The following SHISA9 variants were observed in gnomAD, a reference collection of about 807,000 sequenced individuals.
SHISA9 encodes the protein protein shisa-9.
A neutral mutation model predicts 38.0 loss-of-function variants in SHISA9; 13 were observed. The ratio of observed to expected loss-of-function variants is 0.34; its 90% CI spans 0.22 to 0.54. The LOEUF (loss-of-function observed/expected upper bound fraction) is 0.54, where lower values mean the gene tolerates loss of function less well. SHISA9 is among the 20% of genes least tolerant of loss of function. The probability of loss-of-function intolerance (pLI) is 0.91; values close to 1 mark genes in which losing one functional copy is unlikely to be tolerated. For missense variants in SHISA9, 538 were observed against 575.8 expected (o/e 0.93, Z 0.67); for synonymous variants, 275 against 242.0 (o/e 1.14, Z -1.27).
intron 2 of SHISA9, among the ~76,000 whole-genome samples, chr16:13,095,097 G>A (rs1193630436): frequency 6.6e-6 from 1 of 152,166 alleles, no homozygotes; most frequent in African/African-American, 2.4e-5. Context: ...CAGGTCCCAG[G>A]GATAACTGTG....
rs1271042123 is a variant in SHISA9 at position 13,019,822 on chromosome 16, TTC to T, written c.691+103009_691+103010del. 1.6e-3 allele frequency among the ~76,000 whole-genome samples: 221 copies of T among 134,480 alleles called. 2 individuals carry two copies. Among genetic ancestry groups the T allele is most frequent in the East Asian group, 6.0e-3 (26 of 4,356 alleles). 88.2% of individuals were successfully genotyped at this position (134,480 alleles called of 152,430 possible). A position where few individuals can be genotyped will look rare whatever the true frequency, so the allele number is the denominator to read the frequency against. On this transcript the variant is annotated intron_variant, in intron 2 of 4. Transcript: ENST00000558583. ...TTTCTTTCTTTCTTTCTTTCTTTCT[TTC>T]TTTCTTTCTTTTTCCTTCCTTCCCT... is the stretch of plus-strand genomic sequence containing the variant.
the SHISA9 span, among the ~76,000 whole-genome samples, chr16:13,434,419 G>GTTTTTTTTT: frequency 1.7e-4 from 11 of 64,542 alleles, 1 homozygote; most frequent in Admixed American, 1.1e-3. Context: ...GACAAGCTAT[G>GTTTTTTTTT]TTTTTTTTTT....
intron 4 of SHISA9, among the ~76,000 whole-genome samples, chr16:13,233,338 C>A (rs537118987): frequency 6.6e-6 from 1 of 152,006 alleles, no homozygotes; most frequent in Non-Finnish European, 1.5e-5. Context: ...AGGAATCCTT[C>A]AATGCTGGAG....
intron 2 of SHISA9, among the ~76,000 whole-genome samples, chr16:13,199,117 G>T (rs1184163517): frequency 1.3e-5 from 2 of 151,988 alleles, no homozygotes; most frequent in Non-Finnish European, 2.9e-5. Context: ...TTCTCTGGCA[G>T]ACCTGGACAC....
intron 2 of SHISA9, among the ~76,000 whole-genome samples, chr16:12,992,208 A>G (rs2072395806): frequency 6.6e-6 from 1 of 152,004 alleles, no homozygotes; most frequent in African/African-American, 2.4e-5. Flanking sequence ...AGACAAGAAA[A>G]CCAAGTCTCT....
chr16:13,329,175 A>C, the SHISA9 span, among the ~76,000 whole-genome samples: 2 of 152,176 alleles, frequency 1.3e-5, no homozygotes, highest in African/African-American at 4.8e-5. Context: ...CTGCTCGCTA[A>C]GTAAATCACA....
At chr16:13,548,794 A>C in the SHISA9 span, among the ~76,000 whole-genome samples, 12,395 of 152,210 alleles carry the variant, frequency 0.081, 652 homozygotes, top group Admixed American at 0.16. Flanking sequence ...ATTATGGAAA[A>C]CAGTATTAAG....
At chr16:12,987,595 G>A (rs1427388124) in intron 2 of SHISA9, among the ~76,000 whole-genome samples, 1 of 152,138 alleles carries the variant, frequency 6.6e-6, no homozygotes, top group Non-Finnish European at 1.5e-5. Context: ...GGCCTGTCAG[G>A]GAAGCTGGGG....
chr16:13,199,200 G>T (rs192121427), intron 2 of SHISA9, among the ~76,000 whole-genome samples: 2 of 152,176 alleles, frequency 1.3e-5, no homozygotes, highest in African/African-American at 4.8e-5. Context: ...TATACTGGAG[G>T]ATAATAGGCT....
chr16:12,925,047 A>G (rs1182159082), intron 2 of SHISA9, among the ~76,000 whole-genome samples: 1 of 148,066 alleles, frequency 6.8e-6, no homozygotes, highest in Non-Finnish European at 1.5e-5. Context: ...TATTGGTGCG[A>G]AAGTTGGCTG....
chr16:13,120,246 A>G (rs1188308435), intron 2 of SHISA9, among the ~76,000 whole-genome samples: 2 of 152,152 alleles, frequency 1.3e-5, no homozygotes, highest in East Asian at 1.9e-4. Context: ...CAGGAACCCC[A>G]TGGGGCTGTT....
intron 2 of SHISA9, among the ~76,000 whole-genome samples, chr16:13,155,974 A>G (rs762031744): frequency 3.9e-5 from 6 of 152,160 alleles, no homozygotes; most frequent in Non-Finnish European, 8.8e-5. Context: ...GCCAAAGTGG[A>G]GGAGCCTTAT....
chr16:13,440,876 C>T, the SHISA9 span, among the ~76,000 whole-genome samples: 1 of 150,498 alleles, frequency 6.6e-6, no homozygotes, highest in African/African-American at 2.5e-5. Flanking sequence ...GAGCTGAGAT[C>T]GTGCCACTGC....
At chr16:13,345,313 G>A in the SHISA9 span, among the ~76,000 whole-genome samples, 114 of 152,202 alleles carry the variant, frequency 7.5e-4, 1 homozygote, top group East Asian at 0.016. Flanking sequence ...GTGTTCATGT[G>A]TTCTCATCAT....
At position 12,912,532 on chromosome 16, in the gene SHISA9, G is replaced by A. The variant is rs532509969; in HGVS notation, c.564-4156G>A. Among the ~76,000 whole-genome samples the A allele has an allele frequency of 1.3e-4, 20 of 152,284 alleles. No individual in the cohort carries two copies. The East Asian group carries it at 3.9e-3, about 29-fold the overall frequency. On this transcript the variant is annotated intron_variant, in intron 1 of 4. Transcript: ENST00000558583. Reference sequence around the variant, plus strand: ...CATGCACAAACACAATTTCTATGCAGTTTCAGAGGATTCAGCGATCCCCTG... The same window carrying A: ...CATGCACAAACACAATTTCTATGCAATTTCAGAGGATTCAGCGATCCCCTG...
intron 2 of SHISA9, among the ~76,000 whole-genome samples, chr16:13,179,768 A>G (rs1247350941): frequency 6.6e-6 from 1 of 152,256 alleles, no homozygotes; most frequent in African/African-American, 2.4e-5. Flanking sequence ...TTAAAGGATG[A>G]GATGGGGCCA....
chr16:13,059,265 G>C (rs2073346695), intron 2 of SHISA9, among the ~76,000 whole-genome samples: 1 of 151,598 alleles, frequency 6.6e-6, no homozygotes. Context: ...GTAGCTGGGA[G>C]TACAGGTGGC....
chr16:13,438,477 A>G, the SHISA9 span, among the ~76,000 whole-genome samples: 9 of 152,202 alleles, frequency 5.9e-5, no homozygotes, highest in Non-Finnish European at 1.3e-4. Flanking sequence ...CAAATCTTAA[A>G]TAATCATTTT....
At chr16:13,015,854 C>CTTTCTTTG (rs1434550570) in intron 2 of SHISA9, among the ~76,000 whole-genome samples, 501 of 15,058 alleles carry the variant, frequency 0.033, 8 homozygotes, top group South Asian at 0.042. Context: ...CTTTCTTTCC[C>CTTTCTTTG]TTTCTTTCTT....
Sources: gnomAD v4.1 joint callset for allele counts (sites outside exome capture counted in the v4.1 genomes callset) on GRCh38, gnomAD v4.1.1 for gene constraint, MANE v1.5 for transcripts, NCBI Gene and HGNC (gene_info 2026-07-23, HGNC 2026-07-21) for gene names.